Variants in APBB2 observed in about 807,000 individuals in gnomAD.
APBB2 encodes Fe65-like 1.
In APBB2, 38 loss-of-function variants were observed where a neutral mutation model predicts 82.5. The ratio of observed to expected loss-of-function variants is 0.46; its 90% CI spans 0.36 to 0.60. The LOEUF (loss-of-function observed/expected upper bound fraction) is 0.60, where lower values mean the gene tolerates loss of function less well. Among genes scored for constraint, APBB2 ranks in the 20% least tolerant of loss-of-function variants. The pLI is 0.00. For synonymous variants in APBB2, 341 were observed against 368.2 expected (o/e 0.93, Z 0.85); for missense variants, 772 against 972.3 (o/e 0.79, Z 2.74).
intron 3 of APBB2, among the ~76,000 whole-genome samples, chr4:41,081,840 T>G (rs914348896): frequency 5.9e-5 from 9 of 152,252 alleles, no homozygotes; most frequent in African/African-American, 2.2e-4. Flanking sequence ...TATCAACTGA[T>G]AGTCAATGAA....
At chr4:40,935,665 A>T (rs1398191632) in intron 7 of APBB2, 1 of 152,512 alleles carries the variant, frequency 6.6e-6, no homozygotes. Flanking sequence ...GTTAGTGAAG[A>T]ACACAGACTG....
chr4:41,128,845 T>C (rs1755162711), intron 2 of APBB2, among the ~76,000 whole-genome samples: 1 of 152,172 alleles, frequency 6.6e-6, no homozygotes, highest in Non-Finnish European at 1.5e-5. Context: ...TAACGGGCTA[T>C]TATATATTTT....
chr4:40,819,871 G>A (rs1471954191), intron 17 of APBB2, among the ~76,000 whole-genome samples: 1 of 152,112 alleles, frequency 6.6e-6, no homozygotes, highest in African/African-American at 2.4e-5. Flanking sequence ...GGACTACAGT[G>A]GTGCCATCGT....
intron 1 of APBB2, among the ~76,000 whole-genome samples, chr4:41,205,053 C>T (rs1777602721): frequency 6.6e-6 from 1 of 152,200 alleles, no homozygotes; most frequent in African/African-American, 2.4e-5. Flanking sequence ...TAGAAACTGC[C>T]ACCTCATTGG....
chr4:41,028,608 T>C (rs1270097284), intron 5 of APBB2, among the ~76,000 whole-genome samples: 6 of 152,244 alleles, frequency 3.9e-5, no homozygotes, highest in African/African-American at 7.2e-5. Context: ...GCCTGAAATA[T>C]GATACTGCTG....
At chr4:41,175,188 G>A (rs2154056958) in intron 1 of APBB2, among the ~76,000 whole-genome samples, 1 of 152,268 alleles carries the variant, frequency 6.6e-6, no homozygotes, top group Middle Eastern at 3.4e-3. Context: ...TATACATAGA[G>A]TTTGGTCAAA....
chr4:40,911,306 C>T (rs546447028), intron 10 of APBB2, among the ~76,000 whole-genome samples: 9 of 152,044 alleles, frequency 5.9e-5, no homozygotes, highest in Admixed American at 1.3e-4. Flanking sequence ...ATCAATCCTC[C>T]GCATGTACTG....
intron 12 of APBB2, among the ~76,000 whole-genome samples, chr4:40,872,523 T>C (rs1242836240): frequency 6.6e-6 from 1 of 152,176 alleles, no homozygotes; most frequent in Non-Finnish European, 1.5e-5. Flanking sequence ...GCAAGAACCA[T>C]GGCGTTCTCA....
chr4:40,823,203 A>T (rs536953230), intron 16 of APBB2, among the ~76,000 whole-genome samples: 2 of 152,304 alleles, frequency 1.3e-5, no homozygotes, highest in Admixed American at 6.5e-5. Flanking sequence ...CACGAAACTG[A>T]GATAATTTGG....
intron 12 of APBB2, among the ~76,000 whole-genome samples, chr4:40,872,972 C>T (rs1404867202): frequency 2.6e-5 from 4 of 151,376 alleles, no homozygotes; most frequent in African/African-American, 4.9e-5. Flanking sequence ...CCTGTAATCC[C>T]GGCTACTTGG....
At chr4:40,907,343 TA>T in intron 10 of APBB2, among the ~76,000 whole-genome samples, 1 of 91,292 alleles carries the variant, frequency 1.1e-5, no homozygotes, top group African/African-American at 4.6e-5. Context: ...TAATTTAATA[TA>T]TTACATATAT....
At chr4:40,969,289 G>T (rs879599330) in intron 6 of APBB2, among the ~76,000 whole-genome samples, 4 of 152,172 alleles carry the variant, frequency 2.6e-5, no homozygotes, top group Non-Finnish European at 5.9e-5. Context: ...TAAGGACCCT[G>T]AAGTTACATG....
At chr4:40,821,152 C>T (rs998588109) in intron 17 of APBB2, among the ~76,000 whole-genome samples, 2 of 152,352 alleles carry the variant, frequency 1.3e-5, no homozygotes, top group Admixed American at 6.5e-5. Context: ...AGGCGTAAGC[C>T]ACCACCCCCG....
At chr4:40,961,443 A>G (rs1354737921) in intron 6 of APBB2, among the ~76,000 whole-genome samples, 1 of 129,680 alleles carries the variant, frequency 7.7e-6, no homozygotes, top group Non-Finnish European at 1.6e-5. Context: ...GAATTGAACA[A>G]TGAGATCACA....
chr4:40,847,095 T>C (rs1757900530), intron 12 of APBB2, among the ~76,000 whole-genome samples: 1 of 152,118 alleles, frequency 6.6e-6, no homozygotes, highest in African/African-American at 2.4e-5. Flanking sequence ...AAGGATAACG[T>C]TATATAAATT....
intron 3 of APBB2, among the ~76,000 whole-genome samples, chr4:41,081,039 C>T (rs1203367993): frequency 6.6e-6 from 1 of 152,202 alleles, no homozygotes; most frequent in Non-Finnish European, 1.5e-5. Flanking sequence ...GACCAATTGC[C>T]AAACTACCTT....
intron 2 of APBB2, among the ~76,000 whole-genome samples, chr4:41,103,688 A>C (rs887250716): frequency 6.6e-6 from 1 of 152,198 alleles, no homozygotes; most frequent in East Asian, 1.9e-4. Context: ...GTAGAATTAC[A>C]ACAGAGTAAT....
At chr4:40,950,657 C>A (rs1377912233) in intron 6 of APBB2, among the ~76,000 whole-genome samples, 1 of 152,022 alleles carries the variant, frequency 6.6e-6, no homozygotes, top group East Asian at 1.9e-4. Context: ...ACCAGCCTGG[C>A]CAACATGGTG....
At chr4:40,874,761 G>C (rs916928799) in intron 12 of APBB2, among the ~76,000 whole-genome samples, 14 of 152,164 alleles carry the variant, frequency 9.2e-5, no homozygotes, top group African/African-American at 3.4e-4. Flanking sequence ...GGCTTTCTCT[G>C]AGAATAGAAC....
Sources: allele counts gnomAD v4.1 joint callset (sites outside exome capture counted in the v4.1 genomes callset), GRCh38; gene constraint gnomAD v4.1.1; transcripts MANE v1.5; gene names NCBI Gene and HGNC (gene_info 2026-07-23, HGNC 2026-07-21).